The following AMZ2 variants were observed in gnomAD, a reference collection of about 807,000 sequenced individuals.
AMZ2 encodes archaelysin family metallopeptidase 2.
Under a neutral mutation model 36.7 loss-of-function variants are expected in AMZ2, and 26 were observed. The observed-to-expected ratio is 0.71, with a 90% CI of 0.52 to 0.98. AMZ2 has a LOEUF of 0.98. AMZ2 is among the 50% of genes least tolerant of loss of function. The pLI, the probability that AMZ2 is intolerant of heterozygous loss-of-function variation, is 0.00. For missense variants in AMZ2, 394 were observed against 430.5 expected (o/e 0.92, Z 0.75); for synonymous variants, 144 against 149.1 (o/e 0.97, Z 0.25).
chr17:68,215,377 G>C (rs1265587155), intron 1 of AMZ2, among the ~76,000 whole-genome samples: 3 of 133,804 alleles, frequency 2.2e-5, no homozygotes, highest in African/African-American at 5.7e-5. Flanking sequence ...GGAAACCTTT[G>C]TCAGCAAGGT....
chr17:68,206,195 A>C, exon 1 of AMZ2: 1 of 1,304,774 alleles, frequency 7.7e-7, no homozygotes. Flanking sequence ...GTTACTGCAC[A>C]GAAAGCAGCT....
At chr17:68,230,187 C>T (rs34756539) in intron 1 of AMZ2, among the ~76,000 whole-genome samples, 2 of 152,318 alleles carry the variant, frequency 1.3e-5, no homozygotes, top group African/African-American at 2.4e-5. Context: ...GTTCTCCTGC[C>T]TCAGCCTCCT....
chr17:68,250,655 A>G, intron 2 of AMZ2, 139 bp from the exon 3 acceptor site: 1 of 1,176,966 alleles, frequency 8.5e-7, no homozygotes, highest in Non-Finnish European at 1.2e-6. Flanking sequence ...TTTGTTTCAT[A>G]GCAACACCAA....
chr17:68,250,592 G>C, intron 2 of AMZ2, 122 bp downstream of exon 2: 3 of 1,347,678 alleles, frequency 2.2e-6, no homozygotes, highest in Middle Eastern at 3.8e-4. Context: ...TATTCATTGC[G>C]GCGGTACAAG....
At chr17:68,206,473 G>C (rs6501969) in intron 1 of AMZ2, 90,259 of 180,288 alleles carry the variant, frequency 0.5, 24,979 homozygotes, top group African/African-American at 0.75. Context: ...ACACTCGCTC[G>C]CTCTCTCTCT....
Position 68,235,176 on chromosome 17 carries a change from A to G in AMZ2, c.-66-13464A>G, listed in dbSNP as rs2073756764. Among the ~76,000 whole-genome samples the G allele has an allele frequency of 6.6e-6, 1 of 152,212 alleles. No individual in the cohort carries two copies. The highest frequency in any genetic ancestry group is 2.4e-5 in the African/African-American group (1 of 41,464). On this transcript the variant is annotated intron_variant, in intron 1 of 7. Coordinates refer to the AMZ2 transcript ENST00000674770. This position sits in a 1 kb window ranked among gnomAD's most constrained non-coding sequence, Gnocchi z 4.2. ...GAACTTGTGACCAACACATCCAACC[A>G]CGAGGATATATCACAAGTACTTGTC...
At chr17:68,221,867 G>C (rs574876863) in intron 1 of AMZ2, among the ~76,000 whole-genome samples, 1 of 152,308 alleles carries the variant, frequency 6.6e-6, no homozygotes, top group African/African-American at 2.4e-5. Flanking sequence ...CTCCAGACTG[G>C]ATGACAGAGT....
chr17:68,254,566 A>C lies in AMZ2; in HGVS notation c.749A>C (p.Lys250Thr). Residue 250 changes from lysine to threonine, a missense_variant and splice_region_variant, in exon 5 of 7, where the codon AAG becomes ACG. By Grantham distance (78) the Lys-to-Thr change is moderately conservative. Coordinates refer to ENST00000359904, the MANE Select transcript of AMZ2 (RefSeq NM_016627.5). ...AGTGTTTTACTACTTCGATCCTGTA[A>C]GGTAAGTTATTACAAAAATCTGACA... ...ITSVLLLRSC[K>T]TLTHEIGHIF... The C allele has an allele frequency of 6.2e-7, 1 of 1,608,382 alleles. No individual in the cohort carries two copies. The highest frequency in any genetic ancestry group is 2.2e-5 in the East Asian group (1 of 44,844).
intron 1 of AMZ2, among the ~76,000 whole-genome samples, chr17:68,208,683 A>C (rs2072920848): frequency 1.3e-5 from 2 of 151,688 alleles, no homozygotes; most frequent in Admixed American, 6.6e-5. Context: ...GCTGCTGCTC[A>C]CTCTTTGGGT....
At chr17:68,230,458 C>T (rs782249928) in intron 1 of AMZ2, among the ~76,000 whole-genome samples, 5 of 152,240 alleles carry the variant, frequency 3.3e-5, no homozygotes. Context: ...TCATCTCTGT[C>T]ACCTTCTGTT....
At chr17:68,216,974 A>G (rs1421765653) in intron 1 of AMZ2, among the ~76,000 whole-genome samples, 1 of 151,226 alleles carries the variant, frequency 6.6e-6, no homozygotes, top group Non-Finnish European at 1.5e-5. Context: ...TGGAGCTTGC[A>G]GTGAGCCGAG....
chr17:68,221,222 C>CCAA (rs1555728457), intron 1 of AMZ2, among the ~76,000 whole-genome samples: 6 of 85,634 alleles, frequency 7.0e-5, no homozygotes, highest in Admixed American at 3.3e-4. Context: ...CCCCCCCGCC[C>CCAA]CCCCGGTAGC....
chr17:68,235,112 A>G lies in AMZ2; in HGVS notation c.-66-13528A>G, dbSNP rs1189877960. Among the ~76,000 whole-genome samples, 1 of 152,238 alleles carries G rather than the reference A, an allele frequency of 6.6e-6. No individual in the cohort carries two copies. Among genetic ancestry groups the G allele is most frequent in the Admixed American group, 6.5e-5 (1 of 15,290 alleles). On this transcript the variant is annotated intron_variant, in intron 1 of 7. Coordinates refer to the AMZ2 transcript ENST00000674770. The surrounding 1 kb of genome is among the most constrained non-coding windows in gnomAD (Gnocchi z 4.2). ...AGTGAAACCACTCATAGTGACTCAC[A>G]TCAACAGGCCCTTTTGTCAGCGGGC...
chr17:68,221,264 C>CTATT (rs3056036), intron 1 of AMZ2, among the ~76,000 whole-genome samples: 2,243 of 134,346 alleles, frequency 0.017, 57 homozygotes, highest in African/African-American at 0.059. Context: ...CCGTGCCCAA[C>CTATT]TATTTATTTA....
chr17:68,209,632 A>ATATATATATGTATATATATTTT lies in AMZ2; in HGVS notation c.-67+3395_-67+3396insATATATATGTATATATATTTTT. Among the ~76,000 whole-genome samples, 17 of 90,670 alleles carry ATATATATATGTATATATATTTT rather than the reference A, an allele frequency of 1.9e-4. 1 individual carries two copies. The highest frequency in any genetic ancestry group is 3.2e-4 in the Non-Finnish European group (16 of 50,062). The allele number at this position is 90,670 out of a possible 152,430, so 59.5% of individuals were successfully genotyped here. On this transcript the variant is annotated intron_variant, in intron 1 of 7. Transcript: ENST00000674770. ...TATGTATATATATATATATATATAT[A>ATATATATATGTATATATATTTT]TTTTTTTTTTTTTTTATACAGAGTC...
intron 1 of AMZ2, among the ~76,000 whole-genome samples, chr17:68,238,080 C>T (rs1223801024): frequency 9.9e-5 from 15 of 152,150 alleles, no homozygotes; most frequent in Non-Finnish European, 1.6e-4. Context: ...AATTTCAAAC[C>T]GAGCTACAGT....
chr17:68,219,261 A>G (rs1417318504), intron 1 of AMZ2, among the ~76,000 whole-genome samples: 2 of 152,166 alleles, frequency 1.3e-5, no homozygotes, highest in Non-Finnish European at 2.9e-5. Context: ...CACCGTGCCC[A>G]GCTGCATCAG....
rs1555743132 is a variant in AMZ2, at chr17:68,256,865, C to G, written c.979C>G (p.Pro327Ala). ...ATCTTCTGACACACCTGGAGCAACTCCAGAACACAGTCACGAGGATAATGG... is the reference window on the plus strand; with the variant it reads ...ATCTTCTGACACACCTGGAGCAACTGCAGAACACAGTCACGAGGATAATGG... ...DESSDTPGAT[P>A]EHSHEDNGNL... Residue 327 changes from proline (P) to alanine (A), a missense_variant, in exon 7 of 7, where the codon CCA becomes GCA. Pro to Ala is a conservative substitution (Grantham distance 27). Coordinates refer to ENST00000359904, the MANE Select transcript of AMZ2 (RefSeq NM_016627.5). 1 of 1,614,098 alleles carries G rather than the reference C, an allele frequency of 6.2e-7. No homozygotes were observed. The highest frequency in any genetic ancestry group is 8.5e-7 in the Non-Finnish European group (1 of 1,180,002).
intron 1 of AMZ2, among the ~76,000 whole-genome samples, chr17:68,232,963 C>T (rs1162683104): frequency 6.6e-6 from 1 of 152,238 alleles, no homozygotes; most frequent in Admixed American, 6.5e-5. Context: ...GCTTGGGCTG[C>T]TACCACAGAG....
Sources: allele counts gnomAD v4.1 joint callset (sites outside exome capture counted in the v4.1 genomes callset), GRCh38; gene constraint gnomAD v4.1.1; non-coding constraint Gnocchi (gnomAD v3.1); transcripts MANE v1.5; gene names NCBI Gene and HGNC (gene_info 2026-07-23, HGNC 2026-07-21).